The following ACCSL variants were observed in gnomAD, a reference collection of about 807,000 sequenced individuals.
ACCSL encodes the protein probable inactive 1-aminocyclopropane-1-carboxylate synthase-like protein 2.
Under a neutral mutation model 61.7 loss-of-function variants are expected in ACCSL, and 55 were observed. That is an observed-to-expected ratio of 0.89 (90% CI 0.72 to 1.12). ACCSL has a LOEUF of 1.12. Among genes scored for constraint, ACCSL ranks in the 50% most tolerant of loss-of-function variants. ACCSL has a pLI of 0.00. For missense variants in ACCSL, 632 were observed against 698.0 expected (o/e 0.91, Z 1.07); for synonymous variants, 258 against 264.3 (o/e 0.98, Z 0.23).
chr11:44,024,330 T>C, the ACCSL span, among the ~76,000 whole-genome samples: 5 of 152,252 alleles, frequency 3.3e-5, no homozygotes, highest in South Asian at 8.3e-4. Flanking sequence ...GGTCTCCAGC[T>C]TGCAGATGGC....
At chr11:43,930,532 T>A in the ACCSL span, among the ~76,000 whole-genome samples, 1 of 152,132 alleles carries the variant, frequency 6.6e-6, no homozygotes, top group South Asian at 2.1e-4. Flanking sequence ...CAGCCAGGTA[T>A]CGCTCTTGCT....
the ACCSL span, among the ~76,000 whole-genome samples, chr11:44,006,921 C>A: frequency 6.6e-6 from 1 of 152,158 alleles, no homozygotes; most frequent in Non-Finnish European, 1.5e-5. Context: ...CTCCTCCCCG[C>A]GGTTGGACAT....
the ACCSL span, among the ~76,000 whole-genome samples, chr11:43,992,342 C>T: frequency 2.0e-5 from 3 of 152,218 alleles, no homozygotes; most frequent in African/African-American, 7.2e-5. Context: ...CCACCGCGCC[C>T]GGCCCTCCCC....
the ACCSL span, among the ~76,000 whole-genome samples, chr11:44,015,474 G>A: frequency 6.6e-6 from 1 of 152,136 alleles, no homozygotes; most frequent in Non-Finnish European, 1.5e-5. Context: ...GCTTAGCATC[G>A]TGTAGGCATC....
At chr11:44,019,740 T>C in the ACCSL span, among the ~76,000 whole-genome samples, 1 of 152,220 alleles carries the variant, frequency 6.6e-6, no homozygotes, top group Non-Finnish European at 1.5e-5. Context: ...AGCACAGAAG[T>C]TTCTAGTGTT....
the ACCSL span, chr11:43,995,314 T>TAAGG: frequency 6.6e-6 from 1 of 152,072 alleles, no homozygotes; most frequent in Non-Finnish European, 1.5e-5. Flanking sequence ...CCACAGCCAT[T>TAAGG]AAGGAGGCTG....
the ACCSL span, among the ~76,000 whole-genome samples, chr11:43,959,995 C>T: frequency 3.3e-5 from 5 of 152,146 alleles, no homozygotes; most frequent in Admixed American, 6.5e-5. Flanking sequence ...AGCCCTGCTC[C>T]GGCCCCCACC....
At chr11:43,923,495 T>G in the ACCSL span, among the ~76,000 whole-genome samples, 3 of 152,228 alleles carry the variant, frequency 2.0e-5, no homozygotes, top group Non-Finnish European at 2.9e-5. Context: ...GGTCTACAAC[T>G]GCCCTCTTTC....
the ACCSL span, among the ~76,000 whole-genome samples, chr11:43,952,155 A>T: frequency 6.6e-6 from 1 of 151,644 alleles, no homozygotes; most frequent in African/African-American, 2.4e-5. Context: ...TTTGGTGTAC[A>T]GATTATTTAG....
At chr11:43,973,665 A>T in the ACCSL span, among the ~76,000 whole-genome samples, 2 of 152,192 alleles carry the variant, frequency 1.3e-5, no homozygotes, top group Non-Finnish European at 2.9e-5. Context: ...CCGTCTAATG[A>T]AGTGGAAAAG....
At chr11:44,047,717 C>G (rs1187060594), upstream of ACCSL, among the ~76,000 whole-genome samples, 1 of 152,180 alleles carries the variant, frequency 6.6e-6, no homozygotes, top group East Asian at 1.9e-4. Flanking sequence ...GGTTGAAGAA[C>G]GGGGTGGAAA....
chr11:44,052,272 A>G (rs1245259262), intron 5 of ACCSL, among the ~76,000 whole-genome samples: 2 of 152,248 alleles, frequency 1.3e-5, no homozygotes, highest in Non-Finnish European at 2.9e-5. Flanking sequence ...TGAGATCACC[A>G]TGTCCAAATA....
the ACCSL span, among the ~76,000 whole-genome samples, chr11:44,020,474 C>G: frequency 6.6e-6 from 1 of 151,972 alleles, no homozygotes; most frequent in Non-Finnish European, 1.5e-5. Flanking sequence ...CATAGATGTC[C>G]TTTATTAGAT....
chr11:44,001,885 G>T, the ACCSL span, among the ~76,000 whole-genome samples: 12 of 151,112 alleles, frequency 7.9e-5, no homozygotes, highest in Admixed American at 2.6e-4. Context: ...GGTTGAAGGG[G>T]CTGGAAGGCT....
chr11:43,927,585 T>C, the ACCSL span, among the ~76,000 whole-genome samples: 1 of 152,216 alleles, frequency 6.6e-6, no homozygotes, highest in African/African-American at 2.4e-5. Flanking sequence ...CTGGGTGCAG[T>C]CCTGTAGCTA....
chr11:44,055,477 T>G (rs548688352), intron 9 of ACCSL, among the ~76,000 whole-genome samples, 186 bp downstream of exon 9: 4 of 152,338 alleles, frequency 2.6e-5, no homozygotes, highest in Admixed American at 2.0e-4. Flanking sequence ...TGCCATTTTG[T>G]GTAGAAGATA....
At chr11:43,961,020 C>T in the ACCSL span, among the ~76,000 whole-genome samples, 1 of 152,120 alleles carries the variant, frequency 6.6e-6, no homozygotes, top group Non-Finnish European at 1.5e-5. Flanking sequence ...GGGGTTATGC[C>T]ATGTTGGGCA....
At chr11:44,005,324 G>A in the ACCSL span, among the ~76,000 whole-genome samples, 2 of 152,146 alleles carry the variant, frequency 1.3e-5, no homozygotes, top group African/African-American at 4.8e-5. Context: ...ATCGTGGGCT[G>A]CACGTGCAGG....
chr11:44,041,123 G>A, the ACCSL span, among the ~76,000 whole-genome samples: 7 of 152,158 alleles, frequency 4.6e-5, no homozygotes, highest in Non-Finnish European at 8.8e-5. Flanking sequence ...AGCTGTCTTT[G>A]GTAATATTGT....
Sources: gnomAD v4.1 joint callset for allele counts (sites outside exome capture counted in the v4.1 genomes callset) on GRCh38, gnomAD v4.1.1 for gene constraint, MANE v1.5 for transcripts, NCBI Gene and HGNC (gene_info 2026-07-23, HGNC 2026-07-21) for gene names.